MASP2: variants seen among roughly 807,000 people sequenced by gnomAD.
MASP2 encodes the protein MBL associated serine protease 2, also known as mannan-binding lectin serine protease 2.
Under a neutral mutation model 57.1 loss-of-function variants are expected in MASP2, and 49 were observed. The observed-to-expected ratio is 0.86, with a 90% CI of 0.68 to 1.09. The LOEUF (loss-of-function observed/expected upper bound fraction) is 1.09, where lower values mean the gene tolerates loss of function less well. MASP2 is among the 50% of genes least tolerant of loss of function. The pLI, the probability that MASP2 is intolerant of heterozygous loss-of-function variation, is 0.00. For missense variants in MASP2, 900 were observed against 874.8 expected, an observed-to-expected ratio of 1.03 and a Z score of -0.36; for synonymous variants, 379 against 340.8, an observed-to-expected ratio of 1.11 and a Z score of -1.24.
chr1:11,036,502 C>T (rs1638235226), intron 7 of MASP2, among the ~76,000 whole-genome samples: 1 of 92,008 alleles, frequency 1.1e-5, no homozygotes, highest in Admixed American at 1.8e-4. Context: ...CAGAGCGAGA[C>T]TCCGTCTCAA....
At chr1:11,038,209 C>T (rs12142974) in intron 6 of MASP2, among the ~76,000 whole-genome samples, 5,967 of 152,194 alleles carry the variant, frequency 0.039, 198 homozygotes, top group South Asian at 0.11. Context: ...AATCCTAGCT[C>T]TCCATTTCCC....
chr1:11,032,877 C>A (rs1643864230), intron 8 of MASP2, among the ~76,000 whole-genome samples: 1 of 152,014 alleles, frequency 6.6e-6, no homozygotes, highest in Non-Finnish European at 1.5e-5. Flanking sequence ...CCACTCCACT[C>A]CAGCCTGGGT....
rs1265415990 is a variant in MASP2, at chr1:11,047,143, A to G, written c.6-24T>C. 4.5e-6 allele frequency: 7 copies of G among 1,549,310 alleles called. No homozygotes were observed. In the African/African-American group the frequency reaches 9.6e-5, roughly 21 times the overall value. On this transcript the variant is annotated intron_variant, in intron 1 of 10. Coordinates refer to ENST00000400897, the MANE Select transcript of MASP2 (RefSeq NM_006610.4). Reference sequence around the variant, plus strand: ...GCCTATGGGCAGGGCAGGGGCGGTGAGGGCCCAGGCCTGTGCTCCCACCCC... The same window carrying G: ...GCCTATGGGCAGGGCAGGGGCGGTGGGGGCCCAGGCCTGTGCTCCCACCCC...
chr1:11,035,099 G>A (rs1047451374), intron 7 of MASP2, among the ~76,000 whole-genome samples, 193 bp from the exon 8 acceptor site: 4 of 152,148 alleles, frequency 2.6e-5, no homozygotes, highest in Non-Finnish European at 5.9e-5. Context: ...CTGCCCCACC[G>A]CCTCGGTGCA....
In MASP2 at chr1:11,030,188, C is replaced by T. The variant is rs774880158; in HGVS notation, c.1285G>A (p.Val429Ile). 6.2e-7 allele frequency: 1 copy of T among 1,612,652 alleles called. No individual in the cohort carries two copies. Residue 429 changes from valine to isoleucine, a missense_variant, in exon 10 of 11, where the codon GTC (valine) becomes ATC (isoleucine). By Grantham distance (29) the Val-to-Ile change is conservative. Transcript: ENST00000400897. ...ATGTATCCATTACCAGGCTCACAGA[C>T]TGGGAGTGATTTTTCTCCTTTGGAG... ...TSSKGEKSLP[V>I]CEPVCGLSAR...
rs751345161 is a variant in MASP2, at chr1:11,046,603, G to A, written c.365C>T (p.Ser122Phe). 1.9e-6 allele frequency: 3 copies of A among 1,613,826 alleles called. No individual in the cohort carries two copies. The South Asian group carries it at 3.3e-5, about 18-fold the overall frequency. Reference protein sequence around the residue: ...SLDITFRSDYSNEKPFTGFEA... With the variant: ...SLDITFRSDYFNEKPFTGFEA... The stretch of plus-strand genomic sequence containing the variant: ...GAACCCCGTGAACGGCTTCTCGTTG[G>A]AGTAGTCGGAGCGGAAGGTAATGTC... The change falls in exon 3 of 11, where the codon TCC becomes TTC. Residue 122 changes from serine to phenylalanine, a missense_variant. Coordinates refer to ENST00000400897, the MANE Select transcript of MASP2 (RefSeq NM_006610.4).
chr1:11,041,870 G>GAGGAAGGATGGGTGGA (rs1638462537), intron 6 of MASP2, among the ~76,000 whole-genome samples: 1 of 148,834 alleles, frequency 6.7e-6, no homozygotes, highest in African/African-American at 2.5e-5. Flanking sequence ...GGATGGGTGG[G>GAGGAAGGATGGGTGGA]TGGAAGGATG....
chr1:11,036,529 A>C (rs12753934), intron 7 of MASP2, among the ~76,000 whole-genome samples: 83 of 141,542 alleles, frequency 5.9e-4, no homozygotes, highest in Middle Eastern at 3.5e-3. Context: ...AAAAAAAAAA[A>C]AAAAAAAACA....
At chr1:11,045,265 G>A (rs1422048469) in intron 4 of MASP2, 143 bp downstream of exon 4, 2 of 1,226,756 alleles carry the variant, frequency 1.6e-6, no homozygotes, top group African/African-American at 1.5e-5. Context: ...GGGCTGAGAA[G>A]GGGAGCTGGA....
In MASP2 at chr1:11,027,102, TTAGCAGTTACAC is replaced by T; in HGVS notation, c.1832_1843del (p.Ser611_Ala614del). 6.2e-7 allele frequency: 1 copy of T among 1,607,744 alleles called. No individual in the cohort carries two copies. The highest frequency in any genetic ancestry group is 8.5e-7 in the Non-Finnish European group (1 of 1,176,610). On this transcript the variant is annotated inframe_deletion, in exon 11 of 11. Transcript: ENST00000400897. Reference sequence around the variant, plus strand: ...ACTTTCTAAGCCAGCACAAAGCATGTTAGCAGTTACACTTCCCCTTGGATAGGGTGGCTTTTC... The same window carrying T: ...ACTTTCTAAGCCAGCACAAAGCATGTTTCCCCTTGGATAGGGTGGCTTTTC...
intron 8 of MASP2, among the ~76,000 whole-genome samples, chr1:11,033,845 A>G (rs1230825463): frequency 6.7e-6 from 1 of 149,900 alleles, no homozygotes; most frequent in African/African-American, 2.5e-5. Context: ...AGGCATGAGA[A>G]TCTCTTGAAC....
chr1:11,045,818 A>G, intron 3 of MASP2: 1 of 508,094 alleles, frequency 2.0e-6, no homozygotes, highest in East Asian at 3.2e-5. Context: ...GAGTCAATCA[A>G]ACCCAGGGGG....
At position 11,030,231 on chromosome 1, in the gene MASP2, A is replaced by G. The variant is rs1298933499; in HGVS notation, c.1242T>C (p.Ala414=). The change falls in exon 10 of 11, where the codon GCT becomes GCC. Residue 414 remains alanine (A), a synonymous_variant. Transcript: ENST00000400897. ...KVNDGKYVCE[A]DGFWTSSKGE... ...CTTTGGAGCTCGTCCAGAATCCATC[A>G]GCCTCACACACATATTTACCTGCAA... The G allele has an allele frequency of 1.2e-6, 2 of 1,613,498 alleles. No homozygotes were observed. Among genetic ancestry groups the G allele is most frequent in the Non-Finnish European group, 1.7e-6 (2 of 1,179,836 alleles).
Position 11,034,840 on chromosome 1 carries a change from G to A in MASP2, c.1075C>T (p.Pro359Ser). The A allele has an allele frequency of 1.2e-6, 2 of 1,612,246 alleles. No individual in the cohort carries two copies. Among genetic ancestry groups the A allele is most frequent in the Non-Finnish European group, 1.7e-6 (2 of 1,179,148 alleles). ...CACACGACCGTACTGCTGCACGCGG[G>A]CATTGGCCGGTCCCAAGATCCATCT... The part of the protein sequence containing the change: ...QKDGSWDRPM[P>S]ACSIVDCGPP... The change falls in exon 8 of 11, where the codon CCC becomes TCC. Residue 359 changes from proline (P) to serine (S), a missense_variant. Physicochemically the swap from Pro to Ser is moderately conservative, Grantham distance 74. Transcript: ENST00000400897.
intron 4 of MASP2, chr1:11,045,069 C>T (rs1322493329): frequency 2.1e-6 from 2 of 964,024 alleles, no homozygotes; most frequent in Non-Finnish European, 3.3e-6. Flanking sequence ...CTGGCCCGTC[C>T]CACAGTGCAG....
rs796583650 is a variant in MASP2, at chr1:11,033,965, A to ACTCTCTCT, written c.1087+855_1087+862dup. On this transcript the variant is annotated intron_variant, in intron 8 of 10. Coordinates refer to ENST00000400897, the MANE Select transcript of MASP2 (RefSeq NM_006610.4). ...CACACACACACACACACACACACAC[A>ACTCTCTCT]CTCTCTCTCTCTCTCTCTCTCACAC... is the stretch of plus-strand genomic sequence containing the variant. 4.5e-4 allele frequency among the ~76,000 whole-genome samples: 7 copies of ACTCTCTCT among 15,474 alleles called. No individual in the cohort carries two copies. In the South Asian group the frequency reaches 0.014, roughly 30 times the overall value. 10.2% of individuals were successfully genotyped at this position (15,474 alleles called of 152,430 possible).
At chr1:11,031,311 C>T (rs961583142) in intron 8 of MASP2, among the ~76,000 whole-genome samples, 4 of 151,484 alleles carry the variant, frequency 2.6e-5, no homozygotes, top group Admixed American at 6.6e-5. Flanking sequence ...ATCACAAGGT[C>T]AGGAGATGGA....
chr1:11,034,608 G>A (rs11121684), intron 8 of MASP2, among the ~76,000 whole-genome samples: 98,522 of 150,886 alleles, frequency 0.65, 35,771 homozygotes, highest in Non-Finnish European at 0.81. Flanking sequence ...TGAGGCAGGA[G>A]GATTGCTTAA....
At chr1:11,041,521 T>C (rs563327928) in intron 6 of MASP2, among the ~76,000 whole-genome samples, 4 of 137,320 alleles carry the variant, frequency 2.9e-5, no homozygotes, top group Admixed American at 7.5e-5. Flanking sequence ...GATGTGTAGA[T>C]AGACAAATGG....
Sources: gnomAD v4.1 joint callset for allele counts (sites outside exome capture counted in the v4.1 genomes callset) on GRCh38, gnomAD v4.1.1 for gene constraint, MANE v1.5 for transcripts, NCBI Gene and HGNC (gene_info 2026-07-23, HGNC 2026-07-21) for gene names.